The following DOCK3 variants were observed in gnomAD, a reference collection of about 807,000 sequenced individuals.
The protein encoded by DOCK3 is dedicator of cytokinesis 3, also known as dedicator of cytokinesis protein 3.
In DOCK3, 60 loss-of-function variants were observed where a neutral mutation model predicts 265.6. The ratio of observed to expected loss-of-function variants is 0.23; its 90% CI spans 0.18 to 0.28. The LOEUF is 0.28. Among genes scored for constraint, DOCK3 ranks in the 10% least tolerant of loss-of-function variants. The probability of loss-of-function intolerance (pLI) is 1.00; values close to 1 mark genes in which losing one functional copy is unlikely to be tolerated. For synonymous variants in DOCK3, 881 were observed against 938.0 expected (o/e 0.94, Z 1.11); for missense variants, 1,981 against 2,594.3 (o/e 0.76, Z 5.14).
intron 3 of DOCK3, among the ~76,000 whole-genome samples, chr3:50,866,907 A>G (rs1181133280): frequency 6.6e-6 from 1 of 152,156 alleles, no homozygotes; most frequent in South Asian, 2.1e-4. Flanking sequence ...GCTAAGAAAC[A>G]GCTATTCTGT....
intron 5 of DOCK3, among the ~76,000 whole-genome samples, chr3:50,997,751 A>G (rs1301491196): frequency 6.6e-6 from 1 of 152,126 alleles, no homozygotes; most frequent in Non-Finnish European, 1.5e-5. Flanking sequence ...TGTTGGAAAA[A>G]TAACTGGCTA....
At chr3:50,843,555 G>C (rs917179560) in intron 3 of DOCK3, among the ~76,000 whole-genome samples, 1 of 152,136 alleles carries the variant, frequency 6.6e-6, no homozygotes, top group Non-Finnish European at 1.5e-5. Flanking sequence ...CTGTGGGAGA[G>C]GCCATTTTGT....
At chr3:50,716,020 A>C (rs1017399007) in intron 1 of DOCK3, among the ~76,000 whole-genome samples, 1 of 152,022 alleles carries the variant, frequency 6.6e-6, no homozygotes, top group Non-Finnish European at 1.5e-5. Context: ...CCTAAGCAAG[A>C]TCATTATTCT....
chr3:51,085,596 G>A (rs879731103), intron 7 of DOCK3, among the ~76,000 whole-genome samples: 8 of 152,060 alleles, frequency 5.3e-5, no homozygotes, highest in Non-Finnish European at 1.0e-4. Flanking sequence ...AAATTAAAAA[G>A]GAAATTAAAA....
intron 21 of DOCK3, among the ~76,000 whole-genome samples, chr3:51,245,594 T>C (rs1229278281): frequency 6.6e-6 from 1 of 151,978 alleles, no homozygotes; most frequent in South Asian, 2.1e-4. Flanking sequence ...GGTTTCACTA[T>C]GTTGGCCAGA....
chr3:50,795,268 T>C (rs1469136024), intron 2 of DOCK3, among the ~76,000 whole-genome samples: 1 of 152,234 alleles, frequency 6.6e-6, no homozygotes, highest in Non-Finnish European at 1.5e-5. Context: ...TGCATTTAAA[T>C]GTTGGCCTGT....
At chr3:51,310,510 A>G (rs2083009845) in intron 28 of DOCK3, among the ~76,000 whole-genome samples, 184 bp downstream of exon 28, 1 of 152,244 alleles carries the variant, frequency 6.6e-6, no homozygotes, top group Non-Finnish European at 1.5e-5. Context: ...GTAAGGATAG[A>G]GAAGAAAATT....
intron 27 of DOCK3, among the ~76,000 whole-genome samples, chr3:51,290,681 T>G (rs2081694599): frequency 6.6e-6 from 1 of 152,072 alleles, no homozygotes; most frequent in South Asian, 2.1e-4. Flanking sequence ...ACTTAAAGTA[T>G]AATATATATA....
chr3:51,249,832 A>AG (rs1201970924), intron 22 of DOCK3, among the ~76,000 whole-genome samples: 11 of 147,604 alleles, frequency 7.5e-5, no homozygotes, highest in African/African-American at 2.8e-4. Flanking sequence ...TGGAATAGAA[A>AG]GGGGGGAAAG....
intron 12 of DOCK3, among the ~76,000 whole-genome samples, chr3:51,169,899 G>T (rs900783796): frequency 6.6e-6 from 1 of 152,058 alleles, no homozygotes; most frequent in Non-Finnish European, 1.5e-5. Context: ...TGTGTTATTG[G>T]ATGTGGTTTG....
intron 5 of DOCK3, among the ~76,000 whole-genome samples, chr3:50,995,414 G>A (rs946185661): frequency 6.6e-6 from 1 of 152,152 alleles, no homozygotes; most frequent in Non-Finnish European, 1.5e-5. Context: ...GATGTGTGCA[G>A]CAAAAAAGAC....
rs1213275145 is a variant in DOCK3 at position 51,383,145 on chromosome 3, T to C, written c.*1586T>C. Reference sequence around the variant, plus strand: ...CCCTCTTTCCAGACAGTAAAGGCCATGGTCAGTGTGTTTTTCTCTTGTAAA... The same window carrying C: ...CCCTCTTTCCAGACAGTAAAGGCCACGGTCAGTGTGTTTTTCTCTTGTAAA... On this transcript the variant is annotated 3_prime_UTR_variant, in exon 53 of 53. Coordinates refer to ENST00000266037, the MANE Select transcript of DOCK3 (RefSeq NM_004947.5). 6.6e-6 allele frequency: 1 copy of C among 152,252 alleles called. No homozygotes were observed. The highest frequency in any genetic ancestry group is 2.4e-5 in the African/African-American group (1 of 41,430). 9.4% of individuals were successfully genotyped at this position (152,252 alleles called of 1,614,324 possible).
At chr3:50,886,120 T>A (rs2048317836) in intron 3 of DOCK3, among the ~76,000 whole-genome samples, 1 of 151,454 alleles carries the variant, frequency 6.6e-6, no homozygotes, top group Non-Finnish European at 1.5e-5. Context: ...TGTTATTTTG[T>A]GTCTCCCACA....
At chr3:50,875,506 A>T (rs1575419866) in intron 3 of DOCK3, among the ~76,000 whole-genome samples, 1 of 152,150 alleles carries the variant, frequency 6.6e-6, no homozygotes, top group South Asian at 2.1e-4. Context: ...AGGTTTTATC[A>T]TGAAGGAATT....
At position 51,225,766 on chromosome 3, in the gene DOCK3, T is replaced by C. The variant is rs1358280337; in HGVS notation, c.1370T>C (p.Ile457Thr). 1.9e-6 allele frequency: 3 copies of C among 1,611,366 alleles called. No homozygotes were observed. Among genetic ancestry groups the C allele is most frequent in the African/African-American group, 1.3e-5 (1 of 74,780 alleles). Residue 457 changes from isoleucine to threonine, a missense_variant, in exon 15 of 53, where the codon ATC becomes ACC. This residue lies in a region of DOCK3 where 19 missense variants were observed against 43.8 expected (regional missense o/e 0.43). Coordinates refer to ENST00000266037, the MANE Select transcript of DOCK3 (RefSeq NM_004947.5). ...TMYVLYADGEILKDCISLGSG... is the reference protein window; with the variant it reads ...TMYVLYADGETLKDCISLGSG... ...TATGTGCTTTATGCAGATGGAGAAATCTTGAAGGTAAGGCTTGCCAGTCAG... is the reference window on the plus strand; with the variant it reads ...TATGTGCTTTATGCAGATGGAGAAACCTTGAAGGTAAGGCTTGCCAGTCAG...
intron 5 of DOCK3, among the ~76,000 whole-genome samples, chr3:50,997,922 T>C (rs2078340229): frequency 6.6e-6 from 1 of 152,222 alleles, no homozygotes; most frequent in Non-Finnish European, 1.5e-5. Flanking sequence ...TGTAGAAGAC[T>C]TTGCTGCTTC....
chr3:51,060,902 G>C (rs1217021003), intron 5 of DOCK3, among the ~76,000 whole-genome samples: 1 of 152,130 alleles, frequency 6.6e-6, no homozygotes, highest in Non-Finnish European at 1.5e-5. Context: ...GTGGGCAAAG[G>C]ATATGAACAG....
chr3:50,865,115 A>G (rs530285937), intron 3 of DOCK3, among the ~76,000 whole-genome samples: 12 of 152,274 alleles, frequency 7.9e-5, no homozygotes, highest in African/African-American at 2.4e-4. Flanking sequence ...TGGGGTATCT[A>G]TCCCCTCAAG....
At chr3:50,926,973 T>TAGCGACTCCCGTCTCACACAGAGCAAAC in intron 4 of DOCK3, among the ~76,000 whole-genome samples, 1 of 152,182 alleles carries the variant, frequency 6.6e-6, no homozygotes, top group Non-Finnish European at 1.5e-5. Context: ...TAAAACCTTC[T>TAGCGACTCCCGTCTCACACAGAGCAAAC]AGCGACTCCC....
Sources: allele counts gnomAD v4.1 joint callset (sites outside exome capture counted in the v4.1 genomes callset), GRCh38; gene constraint gnomAD v4.1.1; regional missense constraint gnomAD v4.1.1; transcripts MANE v1.5; gene names NCBI Gene and HGNC (gene_info 2026-07-23, HGNC 2026-07-21).